The following USH2A variants were observed in gnomAD, a reference collection of about 807,000 sequenced individuals.
USH2A encodes Usher syndrome 2A (autosomal recessive, mild).
Under a neutral mutation model 538.9 loss-of-function variants are expected in USH2A, and 443 were observed. That is an observed-to-expected ratio of 0.82 (90% CI 0.76 to 0.89). The LOEUF (loss-of-function observed/expected upper bound fraction) is 0.89, where lower values mean the gene tolerates loss of function less well. Ranked by LOEUF, USH2A falls within the 40% of genes least tolerant of loss-of-function variation. USH2A has a pLI of 0.00. For synonymous variants in USH2A, 2,413 were observed against 2,273.5 expected (o/e 1.06, Z -1.75); for missense variants, 6,633 against 6,324.8 (o/e 1.05, Z -1.65).
At chr1:215,666,519 C>G (rs990151040) in intron 64 of USH2A, among the ~76,000 whole-genome samples, 1 of 152,154 alleles carries the variant, frequency 6.6e-6, no homozygotes, top group African/African-American at 2.4e-5. Flanking sequence ...ATTCTCAACT[C>G]TGGCTGCACA....
intron 49 of USH2A, among the ~76,000 whole-genome samples, chr1:215,800,537 C>G (rs559902015): frequency 1.3e-5 from 2 of 152,232 alleles, no homozygotes; most frequent in African/African-American, 4.8e-5. Flanking sequence ...TTTAGGACTG[C>G]CTTAGGGATT....
intron 22 of USH2A, among the ~76,000 whole-genome samples, chr1:216,094,728 C>A (rs1472400928): frequency 6.6e-6 from 1 of 151,968 alleles, no homozygotes; most frequent in Non-Finnish European, 1.5e-5. Context: ...ATATCAACAA[C>A]CATCTTTCTT....
At chr1:216,201,892 C>A (rs949295376) in intron 16 of USH2A, 1 of 157,852 alleles carries the variant, frequency 6.3e-6, no homozygotes, top group South Asian at 2.0e-4. Context: ...AGGGGAAAGT[C>A]ACCATCCTTA....
intron 64 of USH2A, among the ~76,000 whole-genome samples, chr1:215,655,981 A>G (rs1571934740): frequency 6.6e-6 from 1 of 151,396 alleles, no homozygotes. Flanking sequence ...TGATCTGCCC[A>G]CCTCCGCCTC....
rs1429431295 is a variant in USH2A, at chr1:216,078,312, G to A, written c.5349C>T (p.Ala1783=). ...CCAGCAATAGATCCACTTGTGTAAAGGCAAGACTGGTATTTAACCGGAAGG... is the reference window on the plus strand; with the variant it reads ...CCAGCAATAGATCCACTTGTGTAAAAGCAAGACTGGTATTTAACCGGAAGG... ...ILTFRLNTSL[A]FTQVDLLLGL... Residue 1783 remains alanine (A), a synonymous_variant, in exon 27 of 72, where the codon GCC becomes GCT. Coordinates refer to ENST00000307340, the MANE Select transcript of USH2A (RefSeq NM_206933.4). 2 of 1,613,738 alleles carry A rather than the reference G, an allele frequency of 1.2e-6. No homozygotes were observed. Among genetic ancestry groups the A allele is most frequent in the Non-Finnish European group, 1.7e-6 (2 of 1,179,706 alleles).
At chr1:215,876,091 A>T (rs1252284028) in intron 43 of USH2A, among the ~76,000 whole-genome samples, 1 of 151,980 alleles carries the variant, frequency 6.6e-6, no homozygotes, top group Non-Finnish European at 1.5e-5. Flanking sequence ...GTGCCTCAGC[A>T]CACAGTAAGC....
intron 3 of USH2A, among the ~76,000 whole-genome samples, chr1:216,395,369 C>A (rs1325124471): frequency 1.3e-5 from 2 of 152,118 alleles, no homozygotes; most frequent in South Asian, 2.1e-4. Context: ...CTTTGAAATT[C>A]TTTTAATGCT....
At chr1:216,327,740 G>T in intron 4 of USH2A, 86 bp from the exon 5 acceptor site, 1 of 1,513,884 alleles carries the variant, frequency 6.6e-7, no homozygotes, top group Non-Finnish European at 9.1e-7. Flanking sequence ...TTCCTTTGAA[G>T]ATGTTAAGGT....
At chr1:216,247,356 TA>T (rs1301740916) in intron 12 of USH2A, 130 bp from the exon 13 acceptor site, 7 of 1,101,152 alleles carry the variant, frequency 6.4e-6, no homozygotes, top group Non-Finnish European at 9.3e-6. Flanking sequence ...AGCAATGCCA[TA>T]GGGGGCCAAT....
intron 3 of USH2A, among the ~76,000 whole-genome samples, chr1:216,402,107 A>G (rs2039315694): frequency 6.6e-6 from 1 of 152,156 alleles, no homozygotes; most frequent in Non-Finnish European, 1.5e-5. Context: ...AACTATACAC[A>G]TTAATTTCAA....
chr1:215,850,136 A>T (rs897952744), intron 44 of USH2A, among the ~76,000 whole-genome samples: 68 of 152,260 alleles, frequency 4.5e-4, no homozygotes, highest in African/African-American at 1.6e-3. Context: ...AAAAAATTAT[A>T]TCATAACAAC....
intron 35 of USH2A, among the ~76,000 whole-genome samples, chr1:215,981,493 T>C (rs181707859): frequency 6.6e-6 from 1 of 152,264 alleles, no homozygotes; most frequent in East Asian, 1.9e-4. Context: ...AATAGGCACA[T>C]CAGCTTTCTT....
intron 37 of USH2A, among the ~76,000 whole-genome samples, chr1:215,962,284 G>A (rs1667220282): frequency 6.6e-6 from 1 of 151,970 alleles, no homozygotes; most frequent in South Asian, 2.1e-4. Context: ...ATTTTTCCTT[G>A]ACCTGGCAAT....
chr1:215,987,568 A>G (rs868860561), intron 35 of USH2A, among the ~76,000 whole-genome samples: 5 of 152,312 alleles, frequency 3.3e-5, no homozygotes, highest in African/African-American at 1.2e-4. Flanking sequence ...AAGGGACTAG[A>G]ATTAAGCAGG....
At chr1:216,014,464 T>C (rs12081117) in intron 32 of USH2A, among the ~76,000 whole-genome samples, 93,598 of 151,798 alleles carry the variant, frequency 0.62, 29,145 homozygotes, top group East Asian at 0.75. Context: ...TATGTCTCTA[T>C]AGATGTGATT....
chr1:215,839,810 A>C (rs1236364371), intron 46 of USH2A, among the ~76,000 whole-genome samples: 1 of 152,182 alleles, frequency 6.6e-6, no homozygotes, highest in African/African-American at 2.4e-5. Flanking sequence ...AAAACTGAAT[A>C]AAAATGAAAT....
intron 11 of USH2A, among the ~76,000 whole-genome samples, chr1:216,259,548 C>T (rs539798884): frequency 6.6e-6 from 1 of 152,122 alleles, no homozygotes; most frequent in Non-Finnish European, 1.5e-5. Flanking sequence ...ACACATTCTG[C>T]TTTCTGACAA....
intron 2 of USH2A, among the ~76,000 whole-genome samples, chr1:216,420,850 C>G (rs117065798): frequency 6.6e-6 from 1 of 152,072 alleles, no homozygotes; most frequent in Non-Finnish European, 1.5e-5. Flanking sequence ...TGAAGACATG[C>G]CAACTTTCAC....
intron 9 of USH2A, among the ~76,000 whole-genome samples, chr1:216,307,112 G>C (rs2037331516): frequency 6.6e-6 from 1 of 152,050 alleles, no homozygotes; most frequent in Non-Finnish European, 1.5e-5. Context: ...TCAGGCGGTG[G>C]TCAGGGCCAT....
Sources: gnomAD v4.1 joint callset for allele counts (sites outside exome capture counted in the v4.1 genomes callset) on GRCh38, gnomAD v4.1.1 for gene constraint, MANE v1.5 for transcripts, NCBI Gene and HGNC (gene_info 2026-07-23, HGNC 2026-07-21) for gene names.